LRRTM4: variants seen among roughly 807,000 people sequenced by gnomAD.
LRRTM4 encodes the protein leucine-rich repeat transmembrane neuronal protein 4.
In LRRTM4, 25 loss-of-function variants were observed where a neutral mutation model predicts 47.6. The ratio of observed to expected loss-of-function variants is 0.53; its 90% confidence interval spans 0.38 to 0.73. The LOEUF (loss-of-function observed/expected upper bound fraction) is 0.73, where lower values mean the gene tolerates loss of function less well. LRRTM4 is among the 30% of genes least tolerant of loss of function. The probability of loss-of-function intolerance (pLI) is 0.00; values close to 1 mark genes in which losing one functional copy is unlikely to be tolerated. For missense variants in LRRTM4, 638 were observed against 713.4 expected (o/e 0.89, Z 1.20); for synonymous variants, 311 against 269.5 (o/e 1.15, Z -1.51).
At chr2:76,807,339 G>T (rs67091611) in intron 3 of LRRTM4, among the ~76,000 whole-genome samples, 10 of 143,690 alleles carry the variant, frequency 7.0e-5, no homozygotes, top group Non-Finnish European at 1.3e-4. Flanking sequence ...ACAGATAGTT[G>T]TAAGTAAATA....
chr2:76,853,751 A>C (rs558571303), intron 3 of LRRTM4, among the ~76,000 whole-genome samples: 2 of 152,244 alleles, frequency 1.3e-5, no homozygotes, highest in Admixed American at 6.5e-5. Flanking sequence ...TAAATTCCAG[A>C]TTGTCATTTT....
chr2:77,404,582 T>C (rs1042061893), intron 3 of LRRTM4, among the ~76,000 whole-genome samples: 1 of 152,038 alleles, frequency 6.6e-6, no homozygotes, highest in African/African-American at 2.4e-5. Flanking sequence ...GCTGGGATAA[T>C]TTTGTGGCTA....
At chr2:77,241,445 A>G (rs1675264734) in intron 3 of LRRTM4, among the ~76,000 whole-genome samples, 1 of 152,112 alleles carries the variant, frequency 6.6e-6, no homozygotes, top group Non-Finnish European at 1.5e-5. Flanking sequence ...ATAACTGACT[A>G]TCATAACAAG....
chr2:76,917,906 C>T (rs1674307854), intron 3 of LRRTM4, among the ~76,000 whole-genome samples: 1 of 152,128 alleles, frequency 6.6e-6, no homozygotes, highest in South Asian at 2.1e-4. Flanking sequence ...CTATCCCTCT[C>T]TTTTTATAGT....
chr2:76,756,338 C>T (rs757746544), intron 3 of LRRTM4, among the ~76,000 whole-genome samples: 9 of 152,198 alleles, frequency 5.9e-5, no homozygotes, highest in African/African-American at 1.9e-4. Flanking sequence ...AATGAATGAC[C>T]TCCATGTATT....
Position 76,985,216 on chromosome 2 carries a change from G to C in LRRTM4, c.1552-236300C>G, listed in dbSNP as rs1167830688. Among the ~76,000 whole-genome samples the C allele has an allele frequency of 2.0e-5, 3 of 151,952 alleles. No homozygotes were observed. In the East Asian group the frequency reaches 5.8e-4, roughly 30 times the overall value. On this transcript the variant is annotated intron_variant, in intron 3 of 3. Transcript: ENST00000409884. ...TAAAAAAACATGCATTCCTAATTTA[G>C]AAAATTTGGTGAAAGAGTTTGTATT...
chr2:77,134,083 T>A (rs1671870690), intron 3 of LRRTM4, among the ~76,000 whole-genome samples: 1 of 152,122 alleles, frequency 6.6e-6, no homozygotes, highest in Non-Finnish European at 1.5e-5. Context: ...CACATCCATA[T>A]CTACTTATCT....
intron 3 of LRRTM4, among the ~76,000 whole-genome samples, chr2:77,483,655 G>T (rs879329345): frequency 1.2e-4 from 18 of 152,102 alleles, no homozygotes; most frequent in Non-Finnish European, 1.2e-4. Context: ...AGAGGACTTT[G>T]AGTGGAGTTT....
intron 3 of LRRTM4, among the ~76,000 whole-genome samples, chr2:77,112,962 G>C (rs534463748): frequency 1.3e-5 from 2 of 152,252 alleles, no homozygotes; most frequent in South Asian, 2.1e-4. Flanking sequence ...ATCCGAGACA[G>C]ATTTTTCAAC....
intron 3 of LRRTM4, among the ~76,000 whole-genome samples, chr2:77,313,157 T>C (rs1677507254): frequency 2.0e-5 from 3 of 146,522 alleles, no homozygotes; most frequent in African/African-American, 7.8e-5. Flanking sequence ...TGGGACCTGT[T>C]GCTGTGACGT....
intron 3 of LRRTM4, among the ~76,000 whole-genome samples, chr2:76,884,537 T>C (rs528066149): frequency 1.2e-4 from 18 of 152,102 alleles, no homozygotes; most frequent in Non-Finnish European, 2.1e-4. Flanking sequence ...TGCAAAAAAT[T>C]GTTAGGCCAA....
rs370431989 is a variant in LRRTM4, at chr2:77,226,163, T to C, written c.1551+292155A>G. On this transcript the variant is annotated intron_variant, in intron 3 of 3. Coordinates refer to ENST00000409884, the MANE Select transcript of LRRTM4 (RefSeq NM_001134745.3). ...CCCTAAAAATCATAAAAAACAAAAT[T>C]GGAAAAACAATTACAATTCCTCTAT... Among the ~76,000 whole-genome samples the C allele has an allele frequency of 1.3e-4, 20 of 151,920 alleles. No homozygotes were observed. The East Asian group carries it at 2.7e-3, about 21-fold the overall frequency.
intron 3 of LRRTM4, among the ~76,000 whole-genome samples, chr2:76,793,659 A>G (rs1471433621): frequency 6.6e-6 from 1 of 152,150 alleles, no homozygotes; most frequent in Non-Finnish European, 1.5e-5. Context: ...AACACAGGAT[A>G]TGGTAGATGA....
chr2:77,511,996 G>C (rs1573512145), intron 3 of LRRTM4, among the ~76,000 whole-genome samples: 1 of 151,994 alleles, frequency 6.6e-6, no homozygotes, highest in South Asian at 2.1e-4. Context: ...GCCCAGGTTG[G>C]AGCACAGAGG....
chr2:77,455,510 C>A (rs1408835437), intron 3 of LRRTM4, among the ~76,000 whole-genome samples: 1 of 152,010 alleles, frequency 6.6e-6, no homozygotes, highest in Non-Finnish European at 1.5e-5. Flanking sequence ...TCCAACATAC[C>A]ACACACTTCC....
At chr2:76,829,999 C>T (rs1169917085) in intron 3 of LRRTM4, among the ~76,000 whole-genome samples, 1 of 151,944 alleles carries the variant, frequency 6.6e-6, no homozygotes, top group Non-Finnish European at 1.5e-5. Context: ...ACTAATTGCC[C>T]ATCCAATTAA....
chr2:77,249,841 C>G (rs1675554904), intron 3 of LRRTM4, among the ~76,000 whole-genome samples: 1 of 152,186 alleles, frequency 6.6e-6, no homozygotes, highest in South Asian at 2.1e-4. Flanking sequence ...GGGTGTAAAA[C>G]TTACATCCAC....
intron 3 of LRRTM4, among the ~76,000 whole-genome samples, chr2:76,804,219 T>C (rs1675848071): frequency 6.6e-6 from 1 of 152,186 alleles, no homozygotes; most frequent in Non-Finnish European, 1.5e-5. Flanking sequence ...GATAATACCT[T>C]TGTTGAAGAT....
chr2:76,887,770 A>G (rs62170283), intron 3 of LRRTM4, among the ~76,000 whole-genome samples: 31,359 of 150,380 alleles, frequency 0.21, 3,472 homozygotes, highest in Admixed American at 0.28. Flanking sequence ...TGAGAAAAAC[A>G]TAAGAAAATA....
Sources: gnomAD v4.1 joint callset for allele counts (sites outside exome capture counted in the v4.1 genomes callset) on GRCh38, gnomAD v4.1.1 for gene constraint, MANE v1.5 for transcripts, NCBI Gene and HGNC (gene_info 2026-07-23, HGNC 2026-07-21) for gene names.